Variants in GDAP1 observed in about 807,000 individuals in gnomAD.
GDAP1 encodes the protein ganglioside-induced differentiation-associated protein 1.
In GDAP1, 34 loss-of-function variants were observed where a neutral mutation model predicts 40.1. The observed-to-expected ratio is 0.85, with a 90% CI of 0.64 to 1.13. The LOEUF (loss-of-function observed/expected upper bound fraction) is 1.13. GDAP1 is among the 50% of genes most tolerant of loss of function. The pLI is 0.00. For missense variants in GDAP1, 374 were observed against 433.7 expected, an observed-to-expected ratio of 0.86 and a Z score of 1.22; for synonymous variants, 170 against 157.4, an observed-to-expected ratio of 1.08 and a Z score of -0.60.
rs150415147 is a variant in GDAP1, at chr8:74,466,969, G to A, written c.166-21709G>A. ...GAAGAATTACTCAATAAGGAATCAC[G>A]GACTCTAATCCATAGCCCTAGTTAA... On this transcript the variant is annotated intron_variant, in intron 2 of 2. Transcript: ENST00000523640. 3.5e-3 allele frequency among the ~76,000 whole-genome samples: 536 copies of A among 152,262 alleles called. 4 individuals are homozygous for A. The highest frequency in any genetic ancestry group is 0.012 in the African/African-American group (506 of 41,554).
At chr8:74,468,516 CACACACACATGAATGTGTATATAT>C (rs1806502980) in intron 2 of GDAP1, among the ~76,000 whole-genome samples, 1 of 125,526 alleles carries the variant, frequency 8.0e-6, no homozygotes, top group South Asian at 2.4e-4. Context: ...CACACACACA[CACACACACATGAATGTGTATATAT>C]ACACACACAC....
intron 2 of GDAP1, among the ~76,000 whole-genome samples, chr8:74,432,538 A>G (rs1806041098): frequency 6.6e-6 from 1 of 151,824 alleles, no homozygotes; most frequent in African/African-American, 2.4e-5. Flanking sequence ...GTAACGTTCC[A>G]CTCTGCCTGT....
chr8:74,443,682 A>G (rs1806191868), intron 2 of GDAP1, among the ~76,000 whole-genome samples: 1 of 152,156 alleles, frequency 6.6e-6, no homozygotes, highest in African/African-American at 2.4e-5. Context: ...CATGATCCAG[A>G]ACCCGCTGAT....
At chr8:74,473,670 G>A (rs1368638093) in intron 2 of GDAP1, among the ~76,000 whole-genome samples, 1 of 152,090 alleles carries the variant, frequency 6.6e-6, no homozygotes, top group Non-Finnish European at 1.5e-5. Flanking sequence ...CTCTGTGTCT[G>A]TTTTTGTACC....
chr8:74,413,161 A>T (rs1250595972), intron 2 of GDAP1, among the ~76,000 whole-genome samples: 1 of 147,498 alleles, frequency 6.8e-6, no homozygotes, highest in Non-Finnish European at 1.5e-5. Flanking sequence ...AGTAATGGAG[A>T]GGGGTTCTGT....
At position 74,364,741 on chromosome 8, in the gene GDAP1, A is replaced by T. The variant is rs1809541451; in HGVS notation, c.*374A>T. ...TACTGCCCACACATACACTTCTGTA[A>T]TTGAGAACTCTTAGGAGAGGACTAG... On this transcript the variant is annotated 3_prime_UTR_variant, in exon 6 of 6. Transcript: ENST00000220822. 2 of 461,938 alleles carry T rather than the reference A, an allele frequency of 4.3e-6. No individual in the cohort carries two copies. 28.6% of individuals were successfully genotyped at this position (461,938 alleles called of 1,614,324 possible). A position where few individuals can be genotyped will look rare whatever the true frequency, so the allele number is the denominator to read the frequency against.
chr8:74,393,335 A>G (rs554775968), intron 2 of GDAP1, among the ~76,000 whole-genome samples: 50 of 152,184 alleles, frequency 3.3e-4, no homozygotes, highest in Admixed American at 1.1e-3. Context: ...TGGCTTTAAA[A>G]TTGTCTCACT....
intron 2 of GDAP1, among the ~76,000 whole-genome samples, chr8:74,455,219 G>A (rs558540052): frequency 6.6e-6 from 1 of 152,034 alleles, no homozygotes; most frequent in Non-Finnish European, 1.5e-5. Context: ...AATGAAAGTT[G>A]ATAAATAACC....
chr8:74,416,436 A>G (rs1805780181), intron 2 of GDAP1, among the ~76,000 whole-genome samples: 2 of 150,262 alleles, frequency 1.3e-5, no homozygotes, highest in African/African-American at 5.1e-5. Flanking sequence ...CCCAGGAAAG[A>G]GAAAACTTTC....
Position 74,366,492 on chromosome 8 carries a change from A to C in GDAP1, c.*2125A>C, listed in dbSNP as rs1231558825. 4.4e-6 allele frequency: 2 copies of C among 454,478 alleles called. No individual in the cohort carries two copies. Among genetic ancestry groups the C allele is most frequent in the Non-Finnish European group, 4.4e-6 (1 of 226,742 alleles). 28.2% of individuals were successfully genotyped at this position (454,478 alleles called of 1,614,324 possible). Reference sequence around the variant, plus strand: ...AGGGATTACAGTATCACACAATGTCAAGCTAGAGTTAAACACAGTATTAGC... The same window carrying C: ...AGGGATTACAGTATCACACAATGTCCAGCTAGAGTTAAACACAGTATTAGC... On this transcript the variant is annotated 3_prime_UTR_variant, in exon 6 of 6. Transcript: ENST00000220822.
At chr8:74,390,802 G>T (rs1034304575) in intron 2 of GDAP1, among the ~76,000 whole-genome samples, 5 of 152,226 alleles carry the variant, frequency 3.3e-5, no homozygotes, top group Admixed American at 2.0e-4. Context: ...ACTCCCAGGT[G>T]CTCTGTCCCA....
chr8:74,481,918 G>C (rs1806716153), intron 2 of GDAP1, among the ~76,000 whole-genome samples: 1 of 152,082 alleles, frequency 6.6e-6, no homozygotes, highest in African/African-American at 2.4e-5. Context: ...GCTAGACAAA[G>C]GAATAAAACA....
chr8:74,432,349 T>G (rs1217972112), intron 2 of GDAP1, among the ~76,000 whole-genome samples: 1 of 152,204 alleles, frequency 6.6e-6, no homozygotes, highest in Non-Finnish European at 1.5e-5. Context: ...AATTTTTTTT[T>G]TCTGGTCATT....
At chr8:74,418,009 G>T (rs1311470166) in intron 2 of GDAP1, among the ~76,000 whole-genome samples, 1 of 152,228 alleles carries the variant, frequency 6.6e-6, no homozygotes. Flanking sequence ...TATTGAAAAT[G>T]ACAAATTGCT....
chr8:74,458,757 T>G (rs1441466137), intron 2 of GDAP1, among the ~76,000 whole-genome samples: 1 of 152,140 alleles, frequency 6.6e-6, no homozygotes, highest in Non-Finnish European at 1.5e-5. Flanking sequence ...AGATAGAGTC[T>G]TTGCAGATGA....
chr8:74,354,798 G>A (rs767625734), intron 2 of GDAP1, among the ~76,000 whole-genome samples: 10 of 152,180 alleles, frequency 6.6e-5, no homozygotes, highest in Non-Finnish European at 1.3e-4. Context: ...TTGACATTTT[G>A]TCCAATTATG....
intron 2 of GDAP1, among the ~76,000 whole-genome samples, chr8:74,450,402 T>A (rs1179140585): frequency 6.6e-6 from 1 of 151,878 alleles, no homozygotes; most frequent in African/African-American, 2.4e-5. Flanking sequence ...TGATTTTTTT[T>A]CTAGGTGATC....
chr8:74,372,458 A>G (rs1055277322), intron 2 of GDAP1, among the ~76,000 whole-genome samples: 1 of 152,170 alleles, frequency 6.6e-6, no homozygotes, highest in Non-Finnish European at 1.5e-5. Context: ...AATGATCGCC[A>G]TTCTAACTGG....
chr8:74,404,523 A>T (rs1373898128), intron 2 of GDAP1, among the ~76,000 whole-genome samples: 1 of 149,778 alleles, frequency 6.7e-6, no homozygotes, highest in Non-Finnish European at 1.5e-5. Flanking sequence ...TGAGATGTAG[A>T]AAAGCTGAGT....
Sources: gnomAD v4.1 joint callset for allele counts (sites outside exome capture counted in the v4.1 genomes callset) on GRCh38, gnomAD v4.1.1 for gene constraint, MANE v1.5 for transcripts, NCBI Gene and HGNC (gene_info 2026-07-23, HGNC 2026-07-21) for gene names.